TLE3: variants seen among roughly 807,000 people sequenced by gnomAD.
TLE3 encodes TLE family member 3, transcriptional corepressor.
TLE3 carries 14 observed loss-of-function variants against 93.0 expected under a neutral mutation model. That is an observed-to-expected ratio of 0.15 (90% CI 0.10 to 0.24). TLE3 has a LOEUF of 0.24. Ranked by LOEUF, TLE3 falls within the 10% of genes least tolerant of loss-of-function variation. The probability of loss-of-function intolerance (pLI) is 1.00; values close to 1 mark genes in which losing one functional copy is unlikely to be tolerated. For synonymous variants in TLE3, 451 were observed against 425.0 expected (o/e 1.06, Z -0.75); for missense variants, 693 against 1,046.6 (o/e 0.66, Z 4.66).
At position 70,097,388 on chromosome 15, in the gene TLE3, C is replaced by G. The variant is rs1030926522; in HGVS notation, c.-590G>C. On this transcript the variant is annotated 5_prime_UTR_variant, in exon 1 of 20. Coordinates refer to ENST00000451782, the MANE Select transcript of TLE3 (RefSeq NM_001105192.3). The stretch of plus-strand genomic sequence containing the variant: ...GCGCCGGAGGGTGAGGGCGGGAGCC[C>G]GGCGCGGGCGCTTCGACGCCCCCCC... The G allele has an allele frequency of 2.5e-6, 1 of 407,390 alleles. No individual in the cohort carries two copies. The highest frequency in any genetic ancestry group is 2.1e-5 in the African/African-American group (1 of 48,634). 25.2% of individuals were successfully genotyped at this position (407,390 alleles called of 1,614,324 possible).
At chr15:70,057,768 C>CAGCTTA in intron 12 of TLE3, 110 bp from the exon 13 acceptor site, 1 of 1,363,104 alleles carries the variant, frequency 7.3e-7, no homozygotes, top group Non-Finnish European at 1.0e-6. Flanking sequence ...CTGCTCCAGG[C>CAGCTTA]AGTCCTCTCA....
intron 4 of TLE3, among the ~76,000 whole-genome samples, chr15:70,082,475 T>A: frequency 6.6e-6 from 1 of 152,218 alleles, no homozygotes; most frequent in East Asian, 1.9e-4. Context: ...TTGGGAAATG[T>A]AGCCCCTCCC....
At chr15:70,089,806 G>T (rs1213365560) in intron 4 of TLE3, among the ~76,000 whole-genome samples, 1 of 152,160 alleles carries the variant, frequency 6.6e-6, no homozygotes, top group East Asian at 1.9e-4. Flanking sequence ...AAAGCAAAAG[G>T]AGATTTATTC....
In TLE3 at chr15:70,060,712, G is replaced by A. The variant is rs146410121; in HGVS notation, c.595-63C>T. 23 of 1,593,210 alleles carry A rather than the reference G, an allele frequency of 1.4e-5. No homozygotes were observed. In the East Asian group the frequency reaches 2.7e-4, roughly 19 times the overall value. The stretch of plus-strand genomic sequence containing the variant: ...GCTGCGTGTAACAATTCACACATCC[G>A]CACACAGCTAAGTGCAGGTGACACG... On this transcript the variant is annotated intron_variant, in intron 8 of 19. Coordinates refer to ENST00000451782, the MANE Select transcript of TLE3 (RefSeq NM_001105192.3).
intron 14 of TLE3, chr15:70,055,886 A>T (rs2055973787): frequency 6.6e-6 from 2 of 303,170 alleles, no homozygotes; most frequent in Non-Finnish European, 1.3e-5. Context: ...GGCCGGGGAG[A>T]GTGTGCCCTC....
chr15:70,065,954 C>T, intron 7 of TLE3, 60 bp downstream of exon 7: 1 of 1,483,168 alleles, frequency 6.7e-7, no homozygotes, highest in Non-Finnish European at 9.3e-7. Context: ...CACTGTGAGG[C>T]CTATGAGCGC....
intron 4 of TLE3, among the ~76,000 whole-genome samples, chr15:70,085,826 T>C (rs2058014919): frequency 6.6e-6 from 1 of 152,352 alleles, no homozygotes; most frequent in East Asian, 1.9e-4. Flanking sequence ...AACCCAGCGA[T>C]TGAGGGATGG....
intron 19 of TLE3, 40 bp downstream of exon 19, chr15:70,051,351 T>C (rs1339914013): frequency 6.4e-7 from 1 of 1,565,198 alleles, no homozygotes; most frequent in Non-Finnish European, 8.7e-7. Context: ...GTTTCAACTC[T>C]GGGTAGAACC....
intron 5 of TLE3, among the ~76,000 whole-genome samples, chr15:70,075,412 C>T (rs2057386981): frequency 1.3e-5 from 2 of 152,256 alleles, no homozygotes; most frequent in African/African-American, 4.8e-5. Flanking sequence ...TACTGGGCTG[C>T]AAGCTCCGAG....
chr15:70,089,332 G>A (rs1596013073), intron 4 of TLE3, among the ~76,000 whole-genome samples: 2 of 152,158 alleles, frequency 1.3e-5, no homozygotes, highest in African/African-American at 2.4e-5. Context: ...CGACTCCCCC[G>A]CAGAGGGAAT....
chr15:70,051,848 G>A (rs1049850022), intron 18 of TLE3, among the ~76,000 whole-genome samples: 2 of 152,194 alleles, frequency 1.3e-5, no homozygotes, highest in African/African-American at 4.8e-5. Context: ...GCTGAAGACA[G>A]CAGTCAGTGG....
chr15:70,078,978 C>A (rs1183099449), intron 4 of TLE3, among the ~76,000 whole-genome samples: 1 of 152,182 alleles, frequency 6.6e-6, no homozygotes, highest in Non-Finnish European at 1.5e-5. Flanking sequence ...CCACACCCTT[C>A]AGCAAACACG....
In TLE3 at chr15:70,057,527, G is replaced by T; in HGVS notation, c.1183C>A (p.Gln395Lys). The change falls in exon 13 of 20, where the codon CAG becomes AAG. Residue 395 changes from glutamine to lysine, a missense_variant. By Grantham distance (53) the Gln-to-Lys change is moderately conservative. Transcript: ENST00000451782. Reference sequence around the variant, plus strand: ...GCAGCAGCGGCGGCGGCGCTCATCTGGGGTGGGATGTTGTGGAGGCCGGCG... The same window carrying T: ...GCAGCAGCGGCGGCGGCGCTCATCTTGGGTGGGATGTTGTGGAGGCCGGCG... ...AYAGLHNIPP[Q>K]MSAAAAAAAA... The T allele has an allele frequency of 6.2e-7, 1 of 1,607,618 alleles. No homozygotes were observed. Among genetic ancestry groups the T allele is most frequent in the Non-Finnish European group, 8.5e-7 (1 of 1,177,324 alleles).
intron 6 of TLE3, among the ~76,000 whole-genome samples, chr15:70,073,409 C>A (rs1378713693): frequency 6.6e-6 from 1 of 152,138 alleles, no homozygotes; most frequent in Non-Finnish European, 1.5e-5. Context: ...AATTGTGGGG[C>A]CTTCAGTTCC....
Position 70,055,157 on chromosome 15 carries a change from G to T in TLE3, c.1470C>A (p.Thr490=), listed in dbSNP as rs1261624913. The T allele has an allele frequency of 6.2e-7, 1 of 1,614,106 alleles. No homozygotes were observed. The change falls in exon 15 of 20, where the codon ACC becomes ACA. Residue 490 remains threonine, a synonymous_variant. Coordinates refer to ENST00000451782, the MANE Select transcript of TLE3 (RefSeq NM_001105192.3). The part of the protein sequence containing the change: ...LSHGEVVCAV[T]ISNPTRHVYT... The stretch of plus-strand genomic sequence containing the variant: ...AGACGTGCCTCGTGGGGTTGCTGAT[G>T]GTCACGGCACACACCACCTCCCCGT...
chr15:70,052,180 C>T (rs1346859262), intron 18 of TLE3, among the ~76,000 whole-genome samples, 194 bp downstream of exon 18: 1 of 152,268 alleles, frequency 6.6e-6, no homozygotes, highest in East Asian at 1.9e-4. Context: ...ATGGTGACAT[C>T]TGCATCCGAG....
At chr15:70,077,374 C>T (rs1439535923) in intron 4 of TLE3, among the ~76,000 whole-genome samples, 1 of 152,222 alleles carries the variant, frequency 6.6e-6, no homozygotes, top group East Asian at 1.9e-4. Context: ...TTCATCAGCA[C>T]ATAGCAATCT....
At chr15:70,091,121 T>C (rs1327408538) in intron 4 of TLE3, among the ~76,000 whole-genome samples, 1 of 152,200 alleles carries the variant, frequency 6.6e-6, no homozygotes, top group Admixed American at 6.5e-5. Context: ...CATCTGTAAC[T>C]TGAAAAGTTT....
At position 70,093,943 on chromosome 15, in the gene TLE3, G is replaced by A. The variant is rs560310047; in HGVS notation, c.234+589C>T. ...TTCCTTCTCTGTAAAATGGGAACTC[G>A]GCTGCCTTCAAATCAAGACAGGGAT... On this transcript the variant is annotated intron_variant, in intron 4 of 19. Coordinates refer to ENST00000451782, the MANE Select transcript of TLE3 (RefSeq NM_001105192.3). Among the ~76,000 whole-genome samples the A allele has an allele frequency of 8.6e-4, 131 of 152,224 alleles. 1 individual carries two copies. The highest frequency in any genetic ancestry group is 3.1e-3 in the South Asian group (15 of 4,820).
Sources: allele counts gnomAD v4.1 joint callset (sites outside exome capture counted in the v4.1 genomes callset), GRCh38; gene constraint gnomAD v4.1.1; transcripts MANE v1.5; gene names NCBI Gene and HGNC (gene_info 2026-07-23, HGNC 2026-07-21).